KIR2DL4: variants seen among roughly 807,000 people sequenced by gnomAD.
KIR2DL4 encodes the protein killer cell immunoglobulin-like receptor 2DL4.
In KIR2DL4, 41 loss-of-function variants were observed where a neutral mutation model predicts 31.0. The ratio of observed to expected loss-of-function variants is 1.32; its 90% CI spans 1.03 to 1.72. KIR2DL4 has a LOEUF of 1.72. Among genes scored for constraint, KIR2DL4 ranks in the 40% most tolerant of loss-of-function variants. The pLI is 0.00. For missense variants in KIR2DL4, 438 were observed against 353.7 expected, an observed-to-expected ratio of 1.24 and a Z score of -1.91; for synonymous variants, 164 against 133.6, an observed-to-expected ratio of 1.23 and a Z score of -1.57.
exon 7 of KIR2DL4, chr19:54,813,707 C>A: frequency 1.2e-6 from 2 of 1,611,992 alleles, no homozygotes. Context: ...TGTAATGAAC[C>A]AAGAGCCTGC....
In KIR2DL4 at chr19:54,803,875, T is replaced by C. The variant is rs778445513; in HGVS notation, c.41-16T>C. On this transcript the variant is annotated splice_polypyrimidine_tract_variant and intron_variant, in intron 1 of 7. Coordinates refer to ENST00000359085, the Ensembl canonical transcript of KIR2DL4. ...TGCTGCCGAGATGAATAGTTCATCA[T>C]GATCTTTCTTTGCAGGGTTCTTCTT... The C allele has an allele frequency of 3.7e-6, 6 of 1,607,664 alleles. No individual in the cohort carries two copies. In the Admixed American group the frequency reaches 6.7e-5, roughly 18 times the overall value.
At chr19:54,809,431 T>C (rs892348518) in intron 5 of KIR2DL4, among the ~76,000 whole-genome samples, 5 of 150,830 alleles carry the variant, frequency 3.3e-5, no homozygotes, top group East Asian at 3.9e-4. Context: ...TATGTTGCCA[T>C]AACAAATTTC....
chr19:54,805,120 G>A, intron 3 of KIR2DL4, 43 bp downstream of exon 3: 1 of 1,535,780 alleles, frequency 6.5e-7, no homozygotes, highest in Non-Finnish European at 8.7e-7. Context: ...CCCACCTCCT[G>A]AGTCCCAGAG....
chr19:54,812,784 C>A (rs3865510), intron 5 of KIR2DL4, among the ~76,000 whole-genome samples: 43,306 of 127,808 alleles, frequency 0.34, 9,145 homozygotes, highest in African/African-American at 0.57. Context: ...AACTTGCTAA[C>A]CCCGTCCTCT....
chr19:54,809,529 C>G lies in KIR2DL4; in HGVS notation c.706+646C>G, dbSNP rs564396483. 4.2e-3 allele frequency among the ~76,000 whole-genome samples: 636 copies of G among 151,314 alleles called. 34 individuals carry two copies. Among genetic ancestry groups the G allele is most frequent in the African/African-American group, 0.015 (598 of 41,010 alleles). The stretch of plus-strand genomic sequence containing the variant: ...GTATGAAATGCATCATCTCACTGGG[C>G]TAAAATCAAGGTGACAGCAAGGCTG... On this transcript the variant is annotated intron_variant, in intron 5 of 7. Transcript: ENST00000359085.
chr19:54,806,085 C>CTTAG lies in KIR2DL4; in HGVS notation c.497_500dup (p.Arg167SerfsTer2), dbSNP rs749007396. The CTTAG allele has an allele frequency of 1.2e-5, 20 of 1,612,160 alleles. No homozygotes were observed. The South Asian group carries it at 2.2e-4, about 18-fold the overall frequency. Reference sequence around the variant, plus strand: ...ATCCAGGGAGGGGGAAGCCCATGAACTTAGGCTCCCTGCAGTGCCCAGCAT... The same window carrying CTTAG: ...ATCCAGGGAGGGGGAAGCCCATGAACTTAGTTAGGCTCCCTGCAGTGCCCAGCAT... On this transcript the variant is annotated frameshift_variant, in exon 4 of 8. Transcript: ENST00000359085. LOFTEE classifies it high-confidence loss of function.
At chr19:54,809,250 T>C (rs1318225358) in intron 5 of KIR2DL4, among the ~76,000 whole-genome samples, 1 of 150,152 alleles carries the variant, frequency 6.7e-6, no homozygotes, top group African/African-American at 2.5e-5. Flanking sequence ...TGTAGAGAAG[T>C]TCTACTTGCC....
exon 4 of KIR2DL4, chr19:54,806,072 G>A: frequency 6.2e-7 from 1 of 1,611,958 alleles, no homozygotes; most frequent in Non-Finnish European, 8.5e-7. Flanking sequence ...CCAGGGAGGG[G>A]GAAGCCCATG....
At chr19:54,806,148 G>C in exon 4 of KIR2DL4, 1 of 1,612,000 alleles carries the variant, frequency 6.2e-7, no homozygotes, top group Non-Finnish European at 8.5e-7. Flanking sequence ...TCTGGGTCCT[G>C]CCACCCACGG....
At chr19:54,806,532 C>A (rs1376690295) in intron 4 of KIR2DL4, among the ~76,000 whole-genome samples, 1 of 151,264 alleles carries the variant, frequency 6.6e-6, no homozygotes, top group Admixed American at 6.6e-5. Context: ...CAGAGGTTCC[C>A]TCAGCCCCTC....
chr19:54,804,982 C>T, exon 3 of KIR2DL4: 1 of 1,612,124 alleles, frequency 6.2e-7, no homozygotes, highest in Non-Finnish European at 8.5e-7. Flanking sequence ...CCTGTGACCC[C>T]AGCACACGCA....
At chr19:54,811,534 C>T (rs1380628341) in intron 5 of KIR2DL4, among the ~76,000 whole-genome samples, 54 of 151,016 alleles carry the variant, frequency 3.6e-4, no homozygotes, top group Middle Eastern at 6.8e-3. Context: ...GAAAATCAGG[C>T]GAAAACATCT....
chr19:54,805,685 AC>A (rs568164811), intron 3 of KIR2DL4, among the ~76,000 whole-genome samples: 1 of 150,284 alleles, frequency 6.7e-6, no homozygotes, highest in African/African-American at 2.5e-5. Context: ...ACAACAGGAA[AC>A]CAACACAGGA....
rs541099983 is a variant in KIR2DL4, at chr19:54,803,914, T to C, written c.64T>C (p.Trp22Arg). 1.9e-6 allele frequency: 3 copies of C among 1,609,850 alleles called. No homozygotes were observed. The highest frequency in any genetic ancestry group is 1.7e-5 in the Admixed American group (1 of 59,772). The stretch of plus-strand genomic sequence containing the variant: ...AGGGTTCTTCTTGGACCAGAGTGTG[T>C]GGGCACACGTGGGTGAGTCCTTCCC... The change falls in exon 2 of 8, where the codon TGG becomes CGG. Residue 22 changes from tryptophan to arginine, a missense_variant. Physicochemically the swap from Trp to Arg is moderately radical, Grantham distance 101. Coordinates refer to ENST00000359085, the Ensembl canonical transcript of KIR2DL4.
At chr19:54,809,190 G>T (rs1569379128) in intron 5 of KIR2DL4, among the ~76,000 whole-genome samples, 1 of 150,822 alleles carries the variant, frequency 6.6e-6, no homozygotes. Context: ...ACAAATGCCT[G>T]GGGGCTTGAG....
At chr19:54,806,265 T>C in intron 4 of KIR2DL4, 21 bp downstream of exon 4, 1 of 1,603,718 alleles carries the variant, frequency 6.2e-7, no homozygotes, top group Middle Eastern at 1.7e-4. Flanking sequence ...CCAATGTCTG[T>C]CCCATGTCCT....
chr19:54,803,613 C>T (rs564804446), exon 1 of KIR2DL4: 12 of 1,611,906 alleles, frequency 7.4e-6, no homozygotes, highest in Admixed American at 1.7e-5. Flanking sequence ...ACCGGTCAGT[C>T]GAGCCGAGTC....
chr19:54,814,030 C>G, exon 8 of KIR2DL4: 1 of 1,612,328 alleles, frequency 6.2e-7, no homozygotes, highest in Non-Finnish European at 8.5e-7. Context: ...ACAGTCAGGC[C>G]TTGATGGGAT....
In KIR2DL4 at chr19:54,808,949, G is replaced by A. The variant is rs1391171462; in HGVS notation, c.706+66G>A. ...GGGGAGGTAGAAGCCTTGGATTCAAGCGTTGGCTCAGCACCTGCCAGCTCT... is the reference window on the plus strand; with the variant it reads ...GGGGAGGTAGAAGCCTTGGATTCAAACGTTGGCTCAGCACCTGCCAGCTCT... On this transcript the variant is annotated intron_variant, in intron 5 of 7. Transcript: ENST00000359085. The A allele has an allele frequency of 1.5e-5, 19 of 1,304,006 alleles. No homozygotes were observed. In the South Asian group the frequency reaches 1.8e-4, roughly 12 times the overall value. The allele number at this position is 1,304,006 out of a possible 1,614,324, so 80.8% of individuals were successfully genotyped here. A position where few individuals can be genotyped will look rare whatever the true frequency, so the allele number is the denominator to read the frequency against.
Sources: allele counts gnomAD v4.1 joint callset (sites outside exome capture counted in the v4.1 genomes callset), GRCh38; gene constraint gnomAD v4.1.1; transcripts MANE v1.5; gene names NCBI Gene and HGNC (gene_info 2026-07-23, HGNC 2026-07-21).